The following FUT9 variants were observed in gnomAD, a reference collection of about 807,000 sequenced individuals.
FUT9 encodes 4-galactosyl-N-acetylglucosaminide 3-alpha-L-fucosyltransferase 9.
FUT9 carries 15 observed loss-of-function variants against 29.7 expected under a neutral mutation model. The ratio of observed to expected loss-of-function variants is 0.51; its 90% confidence interval spans 0.34 to 0.78. FUT9 has a LOEUF of 0.78. FUT9 is among the 30% of genes least tolerant of loss of function. The pLI is 0.01. For synonymous variants in FUT9, 169 were observed against 153.7 expected, an observed-to-expected ratio of 1.10 and a Z score of -0.74; for missense variants, 319 against 425.4, an observed-to-expected ratio of 0.75 and a Z score of 2.20.
intron 2 of FUT9, among the ~76,000 whole-genome samples, chr6:96,161,410 G>T (rs1167765956): frequency 6.6e-6 from 1 of 152,164 alleles, no homozygotes; most frequent in Non-Finnish European, 1.5e-5. Flanking sequence ...CTTCAGAGCT[G>T]TGAGAAATAA....
chr6:96,132,032 A>C (rs769979119), intron 2 of FUT9, among the ~76,000 whole-genome samples: 8 of 152,118 alleles, frequency 5.3e-5, no homozygotes, highest in Non-Finnish European at 8.8e-5. Context: ...GAAATGCAGA[A>C]GATGCAAATG....
At chr6:96,165,740 G>A (rs938322194) in intron 2 of FUT9, among the ~76,000 whole-genome samples, 2 of 151,804 alleles carry the variant, frequency 1.3e-5, no homozygotes, top group African/African-American at 4.8e-5. Context: ...CTCAGCCTCC[G>A]AAATAGCTGG....
rs186465529 is a variant in FUT9, at chr6:96,155,000, C to T, written c.-9+40873C>T. Among the ~76,000 whole-genome samples, 253 of 152,248 alleles carry T rather than the reference C, an allele frequency of 1.7e-3. 1 individual carries two copies. The highest frequency in any genetic ancestry group is 3.9e-3 in the African/African-American group (161 of 41,546). ...GAGGCAATGACAGTCCCTGCAGTTA[C>T]CCAAACTTTCTTAACATTTCAGGTG... On this transcript the variant is annotated intron_variant, in intron 2 of 2. Transcript: ENST00000302103.
intron 2 of FUT9, among the ~76,000 whole-genome samples, chr6:96,133,695 A>G (rs1772293796): frequency 6.6e-6 from 1 of 151,896 alleles, no homozygotes; most frequent in African/African-American, 2.4e-5. Context: ...TATTCGGTTA[A>G]CCCCTCTCCT....
chr6:96,154,405 C>G (rs1772737669), intron 2 of FUT9, among the ~76,000 whole-genome samples: 1 of 152,094 alleles, frequency 6.6e-6, no homozygotes, highest in Non-Finnish European at 1.5e-5. Context: ...AGCAAACAAA[C>G]AGTACTTAGT....
intron 1 of FUT9, among the ~76,000 whole-genome samples, chr6:96,047,191 A>G (rs1214020953): frequency 6.6e-6 from 1 of 152,212 alleles, no homozygotes. Flanking sequence ...TGAAAATGTT[A>G]TGGAGAAATG....
chr6:96,152,282 G>A (rs1772691673), intron 2 of FUT9, among the ~76,000 whole-genome samples: 1 of 152,090 alleles, frequency 6.6e-6, no homozygotes, highest in African/African-American at 2.4e-5. Flanking sequence ...TAATCCCTGA[G>A]GTTCAGATTT....
chr6:96,179,884 A>C (rs897485201), intron 2 of FUT9, among the ~76,000 whole-genome samples: 1 of 152,136 alleles, frequency 6.6e-6, no homozygotes. Context: ...ATAATTGTGC[A>C]GTAATTACTC....
intron 1 of FUT9, among the ~76,000 whole-genome samples, chr6:96,021,587 C>G (rs9377301): frequency 0.066 from 9,978 of 151,962 alleles, 353 homozygotes; most frequent in East Asian, 0.11. Flanking sequence ...GTTAGACAAC[C>G]TTAAAAGGTA....
intron 2 of FUT9, among the ~76,000 whole-genome samples, chr6:96,139,762 T>C (rs1459761549): frequency 6.6e-6 from 1 of 152,130 alleles, no homozygotes; most frequent in Non-Finnish European, 1.5e-5. Flanking sequence ...AGTTGTACAG[T>C]GGCCCCTTTT....
At chr6:96,127,465 T>C (rs1453230585) in intron 2 of FUT9, among the ~76,000 whole-genome samples, 2 of 152,162 alleles carry the variant, frequency 1.3e-5, no homozygotes. Context: ...GTTTATTCCG[T>C]GTCTTTGGTA....
At chr6:96,148,703 T>A (rs1772618938) in intron 2 of FUT9, among the ~76,000 whole-genome samples, 1 of 152,266 alleles carries the variant, frequency 6.6e-6, no homozygotes, top group Middle Eastern at 3.4e-3. Flanking sequence ...GACAGTAAAA[T>A]TTTTAAAAAG....
chr6:96,017,614 G>A (rs921702594), intron 1 of FUT9, among the ~76,000 whole-genome samples: 2 of 152,078 alleles, frequency 1.3e-5, no homozygotes, highest in Admixed American at 6.6e-5. Context: ...TTTCAACATG[G>A]CATTGTACTC....
intron 2 of FUT9, among the ~76,000 whole-genome samples, chr6:96,173,345 T>C (rs1254364817): frequency 6.6e-6 from 1 of 152,182 alleles, no homozygotes; most frequent in Non-Finnish European, 1.5e-5. Flanking sequence ...TGTCTGCCAT[T>C]CTCCACTAAA....
chr6:96,188,643 ATG>A (rs34635425), intron 2 of FUT9, among the ~76,000 whole-genome samples: 3 of 146,858 alleles, frequency 2.0e-5, no homozygotes, highest in African/African-American at 7.4e-5. Context: ...ATATATATAT[ATG>A]TGTGTGTGTG....
At chr6:96,036,299 C>T (rs1376100526) in intron 1 of FUT9, among the ~76,000 whole-genome samples, 1 of 151,068 alleles carries the variant, frequency 6.6e-6, no homozygotes, top group South Asian at 2.1e-4. Context: ...AGGTTCTAAG[C>T]AGATTTCCAT....
At chr6:96,168,276 T>A (rs1394461450) in intron 2 of FUT9, among the ~76,000 whole-genome samples, 1 of 152,182 alleles carries the variant, frequency 6.6e-6, no homozygotes, top group Admixed American at 6.5e-5. Context: ...TCAGGAGTGA[T>A]CTGCTCTGGA....
chr6:96,171,162 G>A (rs1773105897), intron 2 of FUT9, among the ~76,000 whole-genome samples: 1 of 152,178 alleles, frequency 6.6e-6, no homozygotes, highest in African/African-American at 2.4e-5. Context: ...AGGTGACTGA[G>A]ACTCAAGCCC....
rs1373881283 is a variant in FUT9 at position 96,203,207 on chromosome 6, A to G, written c.52A>G (p.Ile18Val). The G allele has an allele frequency of 3.5e-5, 56 of 1,612,794 alleles. No homozygotes were observed. The highest frequency in any genetic ancestry group is 4.5e-5 in the Non-Finnish European group (53 of 1,178,978). Residue 18 changes from isoleucine to valine, a missense_variant, in exon 3 of 3, where the codon ATC (isoleucine) becomes GTC (valine). Coordinates refer to ENST00000302103, the MANE Select transcript of FUT9 (RefSeq NM_006581.4). ...TCGCCCATTTTTAATTGTCTGCATTATCCTGGGCTGTTTCATGGCATGTCT... is the reference window on the plus strand; with the variant it reads ...TCGCCCATTTTTAATTGTCTGCATTGTCCTGGGCTGTTTCATGGCATGTCT... ...ILRPFLIVCI[I>V]LGCFMACLLI...
Sources: allele counts gnomAD v4.1 joint callset (sites outside exome capture counted in the v4.1 genomes callset), GRCh38; gene constraint gnomAD v4.1.1; transcripts MANE v1.5; gene names NCBI Gene and HGNC (gene_info 2026-07-23, HGNC 2026-07-21).